Variants in PDS5B observed in about 807,000 individuals in gnomAD.
The protein encoded by PDS5B is PDS5 cohesin associated factor B.
Under a neutral mutation model 184.1 loss-of-function variants are expected in PDS5B, and 51 were observed. That is an observed-to-expected ratio of 0.28 (90% CI 0.22 to 0.35). The LOEUF (loss-of-function observed/expected upper bound fraction) is 0.35, where lower values mean the gene tolerates loss of function less well. Among genes scored for constraint, PDS5B ranks in the 10% least tolerant of loss-of-function variants. The pLI, the probability that PDS5B is intolerant of heterozygous loss-of-function variation, is 1.00. For synonymous variants in PDS5B, 566 were observed against 569.2 expected (o/e 0.99, Z 0.08); for missense variants, 1,180 against 1,723.3 (o/e 0.68, Z 5.58).
intron 7 of PDS5B, among the ~76,000 whole-genome samples, chr13:32,669,296 T>C (rs12184754): frequency 0.012 from 1,822 of 152,128 alleles, 38 homozygotes; most frequent in African/African-American, 0.041. Context: ...TTTCTTTTTT[T>C]TTGGAGGGGA....
At chr13:32,751,373 C>T (rs1347964338) in intron 24 of PDS5B, among the ~76,000 whole-genome samples, 1 of 152,122 alleles carries the variant, frequency 6.6e-6, no homozygotes, top group African/African-American at 2.4e-5. Context: ...GGGTATATAC[C>T]CAGTAATGGG....
intron 10 of PDS5B, among the ~76,000 whole-genome samples, chr13:32,681,915 G>T (rs955113363): frequency 5.9e-5 from 9 of 152,042 alleles, no homozygotes; most frequent in African/African-American, 2.2e-4. Context: ...AAAATTAATT[G>T]CCCTATTTGT....
intron 1 of PDS5B, among the ~76,000 whole-genome samples, chr13:32,605,503 A>G (rs995270919): frequency 2.6e-5 from 4 of 152,218 alleles, no homozygotes; most frequent in African/African-American, 4.8e-5. Flanking sequence ...TATGTGGTCA[A>G]TTTTGGAATA....
At chr13:32,630,972 T>C (rs2058445012) in intron 1 of PDS5B, among the ~76,000 whole-genome samples, 1 of 152,004 alleles carries the variant, frequency 6.6e-6, no homozygotes, top group Admixed American at 6.6e-5. Context: ...TTTTCTTTTT[T>C]TGGTGGAGAC....
chr13:32,607,768 C>T (rs1317581563), intron 1 of PDS5B, among the ~76,000 whole-genome samples: 4 of 152,216 alleles, frequency 2.6e-5, no homozygotes, highest in Non-Finnish European at 5.9e-5. Context: ...TGGCGAATGC[C>T]CCTCCCCCAG....
chr13:32,629,274 CCTTTT>C (rs758343778), intron 1 of PDS5B, among the ~76,000 whole-genome samples: 6 of 150,628 alleles, frequency 4.0e-5, no homozygotes, highest in Non-Finnish European at 5.9e-5. Context: ...TTTTTTTTAA[CCTTTT>C]CTTTTTTTTC....
At chr13:32,597,088 T>C (rs865887080) in intron 1 of PDS5B, among the ~76,000 whole-genome samples, 6 of 152,106 alleles carry the variant, frequency 3.9e-5, no homozygotes, top group Non-Finnish European at 5.9e-5. Context: ...GGCTAGAGTT[T>C]AGTGGCGCCA....
intron 13 of PDS5B, among the ~76,000 whole-genome samples, chr13:32,692,586 CAAG>C (rs1393620403): frequency 1.3e-5 from 2 of 151,528 alleles, no homozygotes; most frequent in Non-Finnish European, 2.9e-5. Context: ...GGTTTGGTAA[CAAG>C]GAGATTTGTG....
At chr13:32,599,191 T>C (rs1231136637) in intron 1 of PDS5B, among the ~76,000 whole-genome samples, 1 of 152,212 alleles carries the variant, frequency 6.6e-6, no homozygotes, top group Non-Finnish European at 1.5e-5. Context: ...AACATTCATA[T>C]TGAGTAGGAT....
intron 6 of PDS5B, among the ~76,000 whole-genome samples, chr13:32,664,704 A>T (rs960490983): frequency 2.6e-5 from 4 of 152,070 alleles, no homozygotes; most frequent in African/African-American, 9.7e-5. Context: ...TCTCTAGAAA[A>T]ATTAGCTGGG....
intron 19 of PDS5B, among the ~76,000 whole-genome samples, chr13:32,729,460 C>T (rs185392245): frequency 7.5e-4 from 114 of 152,130 alleles, no homozygotes; most frequent in African/African-American, 2.6e-3. Context: ...GGGTATATAC[C>T]TAGTAATGGG....
In PDS5B at chr13:32,651,821, T is replaced by C; in HGVS notation, c.126T>C (p.Phe42=). Residue 42 remains phenylalanine (F), a synonymous_variant, in exon 3 of 35, where the codon TTT becomes TTC. Coordinates refer to ENST00000315596, the MANE Select transcript of PDS5B (RefSeq NM_015032.4). ...VRRLKMVVKT[F]MDMDQDSEEE... ...TTGTATAGATGGTTGTGAAAACTTT[T>C]ATGGATATGGACCAGGACTCTGAAG... is the stretch of plus-strand genomic sequence containing the variant. 6.2e-7 allele frequency: 1 copy of C among 1,607,148 alleles called. No homozygotes were observed. The highest frequency in any genetic ancestry group is 2.2e-5 in the East Asian group (1 of 44,782).
intron 8 of PDS5B, among the ~76,000 whole-genome samples, chr13:32,673,574 A>T (rs970855751): frequency 6.6e-6 from 1 of 152,268 alleles, no homozygotes; most frequent in Non-Finnish European, 1.5e-5. Context: ...GATTAGCAAG[A>T]TGGTATTTTC....
intron 19 of PDS5B, among the ~76,000 whole-genome samples, chr13:32,721,819 CCT>C (rs1952721491): frequency 1.3e-5 from 2 of 151,796 alleles, no homozygotes; most frequent in African/African-American, 4.8e-5. Context: ...CAGAGACACT[CCT>C]CACTTCCTAG....
rs192472805 is a variant in PDS5B, at chr13:32,596,326, A to G, written c.-20+9733A>G. 1.2e-4 allele frequency among the ~76,000 whole-genome samples: 18 copies of G among 152,276 alleles called. No homozygotes were observed. The East Asian group carries it at 3.3e-3, about 28-fold the overall frequency. On this transcript the variant is annotated intron_variant, in intron 1 of 34. Coordinates refer to ENST00000315596, the MANE Select transcript of PDS5B (RefSeq NM_015032.4). ...GTGTATCTGGCTTCTTTTGCTTAAC[A>G]TATTTTGAGATTCATCCATGGGGTT...
intron 1 of PDS5B, among the ~76,000 whole-genome samples, chr13:32,642,944 A>G (rs1334313557): frequency 6.6e-6 from 1 of 152,000 alleles, no homozygotes; most frequent in Non-Finnish European, 1.5e-5. Context: ...ATGGATTTTG[A>G]GACCCATTTT....
chr13:32,599,640 C>T (rs1593239701), intron 1 of PDS5B, among the ~76,000 whole-genome samples: 1 of 151,276 alleles, frequency 6.6e-6, no homozygotes, highest in Non-Finnish European at 1.5e-5. Flanking sequence ...ACCGGCCGGG[C>T]GCGGTGACTC....
chr13:32,678,257 A>G (rs1350485872), intron 9 of PDS5B, among the ~76,000 whole-genome samples: 1 of 152,228 alleles, frequency 6.6e-6, no homozygotes, highest in Non-Finnish European at 1.5e-5. Context: ...TTAACTTTTT[A>G]GGGATACATA....
At chr13:32,610,302 C>G (rs1181058867) in intron 1 of PDS5B, among the ~76,000 whole-genome samples, 1 of 152,138 alleles carries the variant, frequency 6.6e-6, no homozygotes, top group Non-Finnish European at 1.5e-5. Flanking sequence ...AGTTAAGGGA[C>G]AGGTTGCTGT....
Sources: allele counts gnomAD v4.1 joint callset (sites outside exome capture counted in the v4.1 genomes callset), GRCh38; gene constraint gnomAD v4.1.1; transcripts MANE v1.5; gene names NCBI Gene and HGNC (gene_info 2026-07-23, HGNC 2026-07-21).